The following TSHZ2 variants were observed in gnomAD, a reference collection of about 807,000 sequenced individuals.
TSHZ2 encodes teashirt zinc finger homeobox 2, also known as teashirt homolog 2.
A neutral mutation model predicts 74.4 loss-of-function variants in TSHZ2; 21 were observed. The observed-to-expected ratio is 0.28, with a 90% CI of 0.20 to 0.41. The LOEUF is 0.41. Ranked by LOEUF, TSHZ2 falls within the 10% of genes least tolerant of loss-of-function variation. The probability of loss-of-function intolerance (pLI) is 1.00; values close to 1 mark genes in which losing one functional copy is unlikely to be tolerated. For synonymous variants in TSHZ2, 540 were observed against 515.3 expected (o/e 1.05, Z -0.65); for missense variants, 1,244 against 1,293.5 (o/e 0.96, Z 0.59).
At chr20:53,044,214 C>T (rs995170801) in intron 1 of TSHZ2, among the ~76,000 whole-genome samples, 3 of 152,216 alleles carry the variant, frequency 2.0e-5, no homozygotes, top group East Asian at 1.9e-4. Flanking sequence ...GATGCTCCAA[C>T]GAGCCTTTCC....
intron 2 of TSHZ2, among the ~76,000 whole-genome samples, chr20:53,484,663 G>A (rs1986249583): frequency 6.6e-6 from 1 of 152,090 alleles, no homozygotes; most frequent in African/African-American, 2.4e-5. Flanking sequence ...TGGGATTACA[G>A]GCGTGCACCA....
At chr20:53,216,291 C>G (rs1339590300) in intron 1 of TSHZ2, among the ~76,000 whole-genome samples, 2 of 152,146 alleles carry the variant, frequency 1.3e-5, no homozygotes, top group Non-Finnish European at 1.5e-5. Context: ...ACCAGCCAAG[C>G]CATTGTTGGC....
intron 1 of TSHZ2, among the ~76,000 whole-genome samples, chr20:53,219,101 C>A (rs1425845110): frequency 6.6e-6 from 1 of 152,144 alleles, no homozygotes; most frequent in Non-Finnish European, 1.5e-5. Context: ...ACTGTGTCTC[C>A]CCCTTGGAGG....
chr20:53,184,933 T>TC (rs919549311), intron 1 of TSHZ2, among the ~76,000 whole-genome samples: 50 of 152,184 alleles, frequency 3.3e-4, no homozygotes, highest in African/African-American at 1.2e-3. Context: ...GCTCTCAAAC[T>TC]CCTGGCCTCA....
intron 1 of TSHZ2, among the ~76,000 whole-genome samples, chr20:53,034,159 CAG>C (rs1328035454): frequency 7.2e-5 from 11 of 151,756 alleles, no homozygotes; most frequent in Non-Finnish European, 1.0e-4. Flanking sequence ...AAACAATAGA[CAG>C]AGACTTGTGG....
chr20:53,248,869 C>T (rs1428907413), intron 1 of TSHZ2, among the ~76,000 whole-genome samples: 2 of 152,152 alleles, frequency 1.3e-5, no homozygotes, highest in Non-Finnish European at 1.5e-5. Flanking sequence ...GACAGAGTTG[C>T]ACTCTGTCGC....
chr20:53,297,881 C>A (rs1991408785), intron 2 of TSHZ2, among the ~76,000 whole-genome samples: 1 of 152,204 alleles, frequency 6.6e-6, no homozygotes, highest in Admixed American at 6.5e-5. Flanking sequence ...TATCCCTCAA[C>A]CCTGGAAGGT....
intron 2 of TSHZ2, among the ~76,000 whole-genome samples, chr20:53,340,851 G>T (rs577910486): frequency 1.3e-5 from 2 of 152,182 alleles, no homozygotes; most frequent in Non-Finnish European, 2.9e-5. Flanking sequence ...GAGGGACAAA[G>T]GTGGGGTAGG....
intron 2 of TSHZ2, among the ~76,000 whole-genome samples, chr20:53,475,778 G>A (rs1432809197): frequency 7.1e-6 from 1 of 140,564 alleles, no homozygotes; most frequent in East Asian, 2.2e-4. Context: ...TAATAAAGAA[G>A]AAAAGAGAGA....
chr20:52,982,462 C>T (rs1356560672), intron 1 of TSHZ2, among the ~76,000 whole-genome samples: 1 of 152,178 alleles, frequency 6.6e-6, no homozygotes, highest in Non-Finnish European at 1.5e-5. Context: ...CAGATAGAAT[C>T]TTCAGGCCAA....
At chr20:53,299,011 C>A (rs1252469524) in intron 2 of TSHZ2, among the ~76,000 whole-genome samples, 1 of 152,166 alleles carries the variant, frequency 6.6e-6, no homozygotes, top group Non-Finnish European at 1.5e-5. Flanking sequence ...TTTCCAGCTC[C>A]TGTGAATTTC....
intron 1 of TSHZ2, among the ~76,000 whole-genome samples, chr20:53,136,132 G>A (rs893415120): frequency 5.3e-5 from 8 of 152,310 alleles, no homozygotes; most frequent in Admixed American, 1.3e-4. Flanking sequence ...ATCACACTGC[G>A]AGAATGCTGA....
chr20:53,363,143 A>T (rs1309145641), intron 2 of TSHZ2, among the ~76,000 whole-genome samples: 1 of 152,250 alleles, frequency 6.6e-6, no homozygotes, highest in Non-Finnish European at 1.5e-5. Context: ...GGAGGTCCCC[A>T]GTGGGAATGA....
chr20:53,174,867 C>A (rs922071193), intron 1 of TSHZ2, among the ~76,000 whole-genome samples: 2 of 151,576 alleles, frequency 1.3e-5, no homozygotes, highest in African/African-American at 4.9e-5. Flanking sequence ...AAGGAGGCAG[C>A]GTGAAGGAGG....
intron 1 of TSHZ2, among the ~76,000 whole-genome samples, chr20:53,149,656 A>G (rs1444816773): frequency 6.6e-6 from 1 of 152,202 alleles, no homozygotes; most frequent in Non-Finnish European, 1.5e-5. Flanking sequence ...TTCTCATCAC[A>G]TATTATGTAG....
chr20:53,144,852 TATA>T (rs1373252146), intron 1 of TSHZ2, among the ~76,000 whole-genome samples: 1 of 151,130 alleles, frequency 6.6e-6, no homozygotes, highest in African/African-American at 2.4e-5. Flanking sequence ...TAAATATATA[TATA>T]ATAATATATA....
At chr20:53,455,131 T>C (rs1249766547) in intron 2 of TSHZ2, 1 of 152,234 alleles carries the variant, frequency 6.6e-6, no homozygotes, top group Non-Finnish European at 1.5e-5. Context: ...ACTTGTTGTC[T>C]CAGTGGTTGG....
At chr20:53,274,005 G>T (rs571341448) in intron 2 of TSHZ2, among the ~76,000 whole-genome samples, 114 of 152,316 alleles carry the variant, frequency 7.5e-4, no homozygotes, top group Middle Eastern at 3.4e-3. Context: ...TAGTGGCCGG[G>T]CGCAGTGACT....
intron 1 of TSHZ2, among the ~76,000 whole-genome samples, chr20:53,026,316 T>A (rs757366775): frequency 1.3e-5 from 2 of 151,984 alleles, no homozygotes; most frequent in Non-Finnish European, 2.9e-5. Context: ...CCAAGATACC[T>A]GCAGGAATTG....
Sources: gnomAD v4.1 joint callset for allele counts (sites outside exome capture counted in the v4.1 genomes callset) on GRCh38, gnomAD v4.1.1 for gene constraint, MANE v1.5 for transcripts, NCBI Gene and HGNC (gene_info 2026-07-23, HGNC 2026-07-21) for gene names.